The following GRIA4 variants were observed in gnomAD, a reference collection of about 807,000 sequenced individuals.
The protein encoded by GRIA4 is glutamate ionotropic receptor AMPA type subunit 4.
GRIA4 carries 34 observed loss-of-function variants against 104.0 expected under a neutral mutation model. The ratio of observed to expected loss-of-function variants is 0.33; its 90% CI spans 0.25 to 0.44. The LOEUF (loss-of-function observed/expected upper bound fraction) is 0.44, where lower values mean the gene tolerates loss of function less well. Among genes scored for constraint, GRIA4 ranks in the 20% least tolerant of loss-of-function variants. GRIA4 has a pLI of 1.00. For synonymous variants in GRIA4, 386 were observed against 381.9 expected (o/e 1.01, Z -0.13); for missense variants, 750 against 1,096.5 (o/e 0.68, Z 4.46).
At chr11:105,888,389 T>C (rs1368171217) in intron 6 of GRIA4, among the ~76,000 whole-genome samples, 4 of 137,544 alleles carry the variant, frequency 2.9e-5, no homozygotes, top group Non-Finnish European at 6.2e-5. Flanking sequence ...GTTCACGCCA[T>C]TCTCCTGCCT....
intron 4 of GRIA4, among the ~76,000 whole-genome samples, chr11:105,790,638 G>A (rs1235319183): frequency 6.6e-6 from 1 of 152,126 alleles, no homozygotes; most frequent in Non-Finnish European, 1.5e-5. Context: ...CCTCAAGCCA[G>A]GGAAATAAAA....
At chr11:105,674,173 T>C (rs1403170697) in intron 3 of GRIA4, among the ~76,000 whole-genome samples, 1 of 152,014 alleles carries the variant, frequency 6.6e-6, no homozygotes, top group Non-Finnish European at 1.5e-5. Flanking sequence ...AGTGAAACAT[T>C]CTACCGATTT....
At chr11:105,924,084 C>T (rs1291206784) in intron 11 of GRIA4, among the ~76,000 whole-genome samples, 2 of 152,148 alleles carry the variant, frequency 1.3e-5, no homozygotes, top group Admixed American at 6.6e-5. Context: ...GTCTCCTCTG[C>T]ACTGTCCCAG....
chr11:105,611,599 C>T (rs1950483290), intron 2 of GRIA4, among the ~76,000 whole-genome samples: 1 of 152,286 alleles, frequency 6.6e-6, no homozygotes, highest in Non-Finnish European at 1.5e-5. Flanking sequence ...AGTTAGATCC[C>T]TTTCCTGGAA....
At chr11:105,920,040 C>T (rs149686806) in intron 11 of GRIA4, among the ~76,000 whole-genome samples, 165 of 152,190 alleles carry the variant, frequency 1.1e-3, no homozygotes, top group African/African-American at 3.4e-3. Context: ...AAAAGGCAGA[C>T]GATTCTGCAT....
intron 3 of GRIA4, among the ~76,000 whole-genome samples, chr11:105,699,952 G>C (rs1591098334): frequency 6.6e-6 from 1 of 152,084 alleles, no homozygotes; most frequent in Non-Finnish European, 1.5e-5. Context: ...TAGGAACACT[G>C]TCTGTTTTAT....
intron 4 of GRIA4, among the ~76,000 whole-genome samples, chr11:105,853,345 T>A (rs1426042729): frequency 6.6e-6 from 1 of 152,128 alleles, no homozygotes; most frequent in African/African-American, 2.4e-5. Context: ...TTGCTATAAA[T>A]AAAGATTATG....
intron 3 of GRIA4, among the ~76,000 whole-genome samples, chr11:105,752,243 T>A (rs1028835307): frequency 3.9e-5 from 6 of 152,090 alleles, no homozygotes; most frequent in African/African-American, 1.4e-4. Context: ...TTCTCTGGGG[T>A]CCTCTTACTT....
At chr11:105,916,420 T>C (rs1288813222) in intron 10 of GRIA4, among the ~76,000 whole-genome samples, 1 of 152,172 alleles carries the variant, frequency 6.6e-6, no homozygotes, top group Admixed American at 6.5e-5. Context: ...AGAGCTACCA[T>C]TGTTTTTCAC....
At chr11:105,752,928 T>C in intron 3 of GRIA4, 53 bp from the exon 4 acceptor site, 1 of 1,562,198 alleles carries the variant, frequency 6.4e-7, no homozygotes, top group Non-Finnish European at 8.8e-7. Flanking sequence ...GACTTCAAAG[T>C]CAACAATTTG....
intron 14 of GRIA4, among the ~76,000 whole-genome samples, chr11:105,947,192 C>T (rs1053584634): frequency 6.6e-6 from 1 of 152,146 alleles, no homozygotes; most frequent in South Asian, 2.1e-4. Context: ...AAACTTTTAG[C>T]TCATGGCATA....
chr11:105,783,663 T>A (rs79910033), intron 4 of GRIA4, among the ~76,000 whole-genome samples: 1 of 152,160 alleles, frequency 6.6e-6, no homozygotes, highest in Admixed American at 6.6e-5. Context: ...ACAGACAGTA[T>A]TAAAACATTT....
intron 4 of GRIA4, among the ~76,000 whole-genome samples, chr11:105,795,200 C>T (rs1942430361): frequency 6.6e-6 from 1 of 152,078 alleles, no homozygotes; most frequent in Non-Finnish European, 1.5e-5. Context: ...GAACTACAGA[C>T]TTCACCAGAA....
intron 9 of GRIA4, 57 bp downstream of exon 9, chr11:105,905,358 AT>A (rs1278805278): frequency 1.0e-4 from 95 of 939,536 alleles, no homozygotes; most frequent in Admixed American, 8.8e-4. Context: ...TGTATGTAAC[AT>A]TTTAAAGGTG....
At chr11:105,883,909 C>G (rs1367396253) in intron 5 of GRIA4, among the ~76,000 whole-genome samples, 4 of 152,098 alleles carry the variant, frequency 2.6e-5, no homozygotes, top group African/African-American at 9.7e-5. Context: ...TAAAAGTGTT[C>G]CTAATTCTCC....
intron 13 of GRIA4, among the ~76,000 whole-genome samples, chr11:105,928,593 T>C (rs1384669031): frequency 6.6e-6 from 1 of 152,054 alleles, no homozygotes; most frequent in Non-Finnish European, 1.5e-5. Flanking sequence ...TAAAAATTAC[T>C]ATGTATATGC....
At chr11:105,771,649 A>C (rs773289842) in intron 4 of GRIA4, among the ~76,000 whole-genome samples, 5 of 152,114 alleles carry the variant, frequency 3.3e-5, no homozygotes, top group Non-Finnish European at 5.9e-5. Flanking sequence ...AGGAGTAAAA[A>C]GTCATGATTT....
intron 3 of GRIA4, among the ~76,000 whole-genome samples, chr11:105,621,616 A>G (rs544078931): frequency 6.6e-6 from 1 of 151,834 alleles, no homozygotes; most frequent in East Asian, 1.9e-4. Flanking sequence ...AATGTATTCA[A>G]TCTCCTCGGG....
intron 4 of GRIA4, among the ~76,000 whole-genome samples, chr11:105,838,750 A>G (rs1292188103): frequency 3.3e-5 from 5 of 152,148 alleles, no homozygotes; most frequent in South Asian, 2.1e-4. Flanking sequence ...AAGAGCTGAC[A>G]CCCATTTGAC....
Sources: gnomAD v4.1 joint callset for allele counts (sites outside exome capture counted in the v4.1 genomes callset) on GRCh38, gnomAD v4.1.1 for gene constraint, MANE v1.5 for transcripts, NCBI Gene and HGNC (gene_info 2026-07-23, HGNC 2026-07-21) for gene names.